Variants in AOPEP observed in about 807,000 individuals in gnomAD.
AOPEP encodes aminopeptidase O (putative).
In AOPEP, 77 loss-of-function variants were observed where a neutral mutation model predicts 98.1. The ratio of observed to expected loss-of-function variants is 0.78; its 90% confidence interval spans 0.65 to 0.95. The LOEUF (loss-of-function observed/expected upper bound fraction) is 0.95, where lower values mean the gene tolerates loss of function less well. Ranked by LOEUF, AOPEP falls within the 40% of genes least tolerant of loss-of-function variation. The pLI is 0.00. For missense variants in AOPEP, 1,024 were observed against 1,024.7 expected (o/e 1.00, Z 0.01); for synonymous variants, 346 against 365.3 (o/e 0.95, Z 0.60).
chr9:94,784,612 A>ATTTATT (rs1293277493), intron 3 of AOPEP, among the ~76,000 whole-genome samples: 2 of 152,166 alleles, frequency 1.3e-5, no homozygotes, highest in Non-Finnish European at 2.9e-5. Flanking sequence ...ATTAAATTTT[A>ATTTATT]TTTATTTTTA....
intron 5 of AOPEP, among the ~76,000 whole-genome samples, chr9:94,820,147 T>G (rs771429204): frequency 6.6e-6 from 1 of 152,000 alleles, no homozygotes; most frequent in Non-Finnish European, 1.5e-5. Context: ...GGTTTTGCCA[T>G]GTTGGCCAAG....
At chr9:94,779,624 G>A (rs934957888) in intron 3 of AOPEP, among the ~76,000 whole-genome samples, 1 of 151,654 alleles carries the variant, frequency 6.6e-6, no homozygotes, top group Non-Finnish European at 1.5e-5. Flanking sequence ...GATCAAACTA[G>A]CAAATCAATA....
chr9:94,882,164 C>G (rs988758703), intron 5 of AOPEP, among the ~76,000 whole-genome samples: 1 of 152,126 alleles, frequency 6.6e-6, no homozygotes, highest in African/African-American at 2.4e-5. Context: ...TCCAACTTCT[C>G]TTTTTTCGTC....
intron 5 of AOPEP, among the ~76,000 whole-genome samples, chr9:94,838,133 C>G (rs181113616): frequency 1.2e-3 from 179 of 152,204 alleles, no homozygotes; most frequent in African/African-American, 4.1e-3. Context: ...CTCAGCCTCC[C>G]GAGTAGCTGG....
At chr9:95,119,566 A>G in the AOPEP span, among the ~76,000 whole-genome samples, 1 of 151,958 alleles carries the variant, frequency 6.6e-6, no homozygotes, top group Non-Finnish European at 1.5e-5. Context: ...GGGTTTCACT[A>G]TGTTGGCCAG....
the AOPEP span, among the ~76,000 whole-genome samples, chr9:95,108,216 G>C: frequency 3.3e-5 from 5 of 152,178 alleles, no homozygotes; most frequent in African/African-American, 1.2e-4. Flanking sequence ...TGTTGTGTGA[G>C]CTCCTCTGAC....
At chr9:94,895,395 GTC>G (rs2049395627) in intron 5 of AOPEP, among the ~76,000 whole-genome samples, 1 of 133,004 alleles carries the variant, frequency 7.5e-6, no homozygotes, top group African/African-American at 3.0e-5. Context: ...GCAAGACCCT[GTC>G]TCACACACAC....
Position 94,828,004 on chromosome 9 carries a change from A to G in AOPEP, c.1364+27002A>G, listed in dbSNP as rs117860705. ...GAGAGAACCAGATGAGAACAGAGAA[A>G]AAAAGAAGAGGAGAAGTAATGGCAA... On this transcript the variant is annotated intron_variant, in intron 5 of 16. Transcript: ENST00000375315. Among the ~76,000 whole-genome samples, 113 of 152,362 alleles carry G rather than the reference A, an allele frequency of 7.4e-4. 2 individuals are homozygous for G. The East Asian group carries it at 0.021, about 28-fold the overall frequency.
chr9:94,916,437 G>C (rs1361686467), intron 5 of AOPEP, among the ~76,000 whole-genome samples: 2 of 152,136 alleles, frequency 1.3e-5, no homozygotes, highest in Non-Finnish European at 2.9e-5. Flanking sequence ...TCAGGGCCAG[G>C]CTCATGCCTG....
intron 1 of AOPEP, among the ~76,000 whole-genome samples, chr9:94,739,242 C>T (rs1832509142): frequency 6.6e-6 from 1 of 152,170 alleles, no homozygotes; most frequent in African/African-American, 2.4e-5. Flanking sequence ...TCCTTGTTGT[C>T]CTGGTGGTTG....
At chr9:94,875,983 A>G (rs756422557) in intron 5 of AOPEP, among the ~76,000 whole-genome samples, 12 of 152,256 alleles carry the variant, frequency 7.9e-5, no homozygotes, top group Non-Finnish European at 1.2e-4. Flanking sequence ...AGTTACTATT[A>G]TGATGACTTC....
chr9:94,976,669 T>C (rs573356639), intron 10 of AOPEP, among the ~76,000 whole-genome samples: 152 of 152,012 alleles, frequency 1.0e-3, no homozygotes, highest in African/African-American at 3.6e-3. Context: ...TTTTTTTTTT[T>C]TTCTTTTTGG....
chr9:94,860,470 ATGAAG>A (rs979508662), intron 5 of AOPEP, among the ~76,000 whole-genome samples: 76 of 152,292 alleles, frequency 5.0e-4, no homozygotes, highest in African/African-American at 1.7e-3. Flanking sequence ...TGGTTCTAGA[ATGAAG>A]CGACAGGAGT....
chr9:94,990,128 C>T (rs889350632), intron 11 of AOPEP, among the ~76,000 whole-genome samples: 1 of 152,148 alleles, frequency 6.6e-6, no homozygotes, highest in African/African-American at 2.4e-5. Flanking sequence ...TTGTGTTTGC[C>T]ATGTTCCGCT....
chr9:95,081,387 C>T (rs565433811), intron 15 of AOPEP, among the ~76,000 whole-genome samples: 1 of 152,328 alleles, frequency 6.6e-6, no homozygotes, highest in South Asian at 2.1e-4. Context: ...CAGCCTCCCA[C>T]GCCTTCCCCA....
At chr9:95,090,106 TGA>T (rs970972361), downstream of AOPEP, among the ~76,000 whole-genome samples, 3 of 152,200 alleles carry the variant, frequency 2.0e-5, no homozygotes, top group African/African-American at 7.2e-5. Flanking sequence ...GAAGGGCCAC[TGA>T]GGGGCTGGAG....
chr9:94,877,670 C>T (rs1258071430), intron 5 of AOPEP, among the ~76,000 whole-genome samples: 1 of 152,154 alleles, frequency 6.6e-6, no homozygotes, highest in Non-Finnish European at 1.5e-5. Flanking sequence ...ATCTGCCCAC[C>T]TTGGCCTCCT....
chr9:95,030,808 A>G (rs1167753871), intron 13 of AOPEP, among the ~76,000 whole-genome samples: 1 of 152,230 alleles, frequency 6.6e-6, no homozygotes, highest in African/African-American at 2.4e-5. Context: ...GATGAGCTTC[A>G]AGGTTCAGCA....
rs560755142 is a variant in AOPEP at position 94,911,520 on chromosome 9, G to A, written c.1365-12466G>A. Among the ~76,000 whole-genome samples the A allele has an allele frequency of 2.4e-4, 36 of 152,220 alleles. No individual in the cohort carries two copies. The South Asian group carries it at 4.6e-3, about 19-fold the overall frequency. ...ATTATTGTGGCATGTTTTTCACAGC[G>A]TCTGAAAAAAAGTGAAGCAGACAGG... On this transcript the variant is annotated intron_variant, in intron 5 of 16. Transcript: ENST00000375315.
Sources: gnomAD v4.1 joint callset for allele counts (sites outside exome capture counted in the v4.1 genomes callset) on GRCh38, gnomAD v4.1.1 for gene constraint, MANE v1.5 for transcripts, NCBI Gene and HGNC (gene_info 2026-07-23, HGNC 2026-07-21) for gene names.